The following GRIA1 variants were observed in gnomAD, a reference collection of about 807,000 sequenced individuals.
GRIA1 encodes the protein glutamate receptor 1.
In GRIA1, 31 loss-of-function variants were observed where a neutral mutation model predicts 99.2. That is an observed-to-expected ratio of 0.31 (90% CI 0.23 to 0.42). The LOEUF is 0.42. Ranked by LOEUF, GRIA1 falls within the 10% of genes least tolerant of loss-of-function variation. GRIA1 has a pLI of 1.00. For missense variants in GRIA1, 782 were observed against 1,157.5 expected, an observed-to-expected ratio of 0.68 and a Z score of 4.71; for synonymous variants, 438 against 432.4, an observed-to-expected ratio of 1.01 and a Z score of -0.16.
chr5:153,500,476 A>G (rs370533983), intron 2 of GRIA1, among the ~76,000 whole-genome samples: 156 of 152,282 alleles, frequency 1.0e-3, no homozygotes, highest in African/African-American at 3.2e-3. Context: ...TGCACTAGAA[A>G]TTGAGAAAAA....
chr5:153,517,313 C>T lies in GRIA1; in HGVS notation c.220+23248C>T, dbSNP rs115530162. Among the ~76,000 whole-genome samples the T allele has an allele frequency of 9.3e-3, 1,411 of 152,316 alleles. 16 individuals carry two copies. Among genetic ancestry groups the T allele is most frequent in the African/African-American group, 0.032 (1,321 of 41,564 alleles). ...GCTTTATTTTTTCATCCACCGCCTG[C>T]TGACTGGTCCCTCTCTTAATACCCC... On this transcript the variant is annotated intron_variant, in intron 2 of 15. Transcript: ENST00000285900.
chr5:153,511,326 G>A (rs1022317685), intron 2 of GRIA1, among the ~76,000 whole-genome samples: 5 of 152,194 alleles, frequency 3.3e-5, no homozygotes, highest in African/African-American at 4.8e-5. Context: ...GGCAGTGCAG[G>A]TGCAGGTGCA....
At chr5:153,501,341 A>G (rs1040345809) in intron 2 of GRIA1, among the ~76,000 whole-genome samples, 2 of 152,192 alleles carry the variant, frequency 1.3e-5, no homozygotes, top group African/African-American at 4.8e-5. Context: ...AATCTGAAAG[A>G]AAGGGCCATG....
chr5:153,500,594 CT>C (rs1377603873), intron 2 of GRIA1, among the ~76,000 whole-genome samples: 59 of 147,932 alleles, frequency 4.0e-4, no homozygotes, highest in Middle Eastern at 3.4e-3. Flanking sequence ...CTCTCTCTCT[CT>C]CTCCCCCTCT....
intron 2 of GRIA1, among the ~76,000 whole-genome samples, chr5:153,622,681 T>C (rs946596936): frequency 1.3e-5 from 2 of 152,226 alleles, no homozygotes; most frequent in Admixed American, 6.5e-5. Flanking sequence ...ATAATTTTTA[T>C]TGAATATCAT....
At chr5:153,749,428 A>G (rs1762368430) in intron 11 of GRIA1, among the ~76,000 whole-genome samples, 1 of 152,212 alleles carries the variant, frequency 6.6e-6, no homozygotes, top group African/African-American at 2.4e-5. Context: ...TACAAGAAGC[A>G]TGGTGCCAGC....
At chr5:153,642,644 A>C (rs1005819407) in intron 2 of GRIA1, among the ~76,000 whole-genome samples, 1 of 151,930 alleles carries the variant, frequency 6.6e-6, no homozygotes, top group African/African-American at 2.4e-5. Flanking sequence ...TCAGAAAAAA[A>C]AAAAAAACAA....
intron 2 of GRIA1, among the ~76,000 whole-genome samples, chr5:153,579,670 T>C (rs1762874039): frequency 6.6e-6 from 1 of 152,220 alleles, no homozygotes; most frequent in Non-Finnish European, 1.5e-5. Context: ...GTTTTTCTCA[T>C]CTATTGTTTT....
At chr5:153,725,918 C>A (rs1412505467) in intron 11 of GRIA1, among the ~76,000 whole-genome samples, 1 of 130,920 alleles carries the variant, frequency 7.6e-6, no homozygotes, top group Non-Finnish European at 1.6e-5. Context: ...ACCCTCCACC[C>A]CATATCAACA....
At chr5:153,745,230 T>A (rs957786097) in intron 11 of GRIA1, among the ~76,000 whole-genome samples, 51 of 152,168 alleles carry the variant, frequency 3.4e-4, no homozygotes, top group Non-Finnish European at 5.3e-4. Context: ...CACTGTCATG[T>A]TTATGTTCGT....
intron 2 of GRIA1, among the ~76,000 whole-genome samples, chr5:153,532,381 C>T (rs1053767918): frequency 1.3e-5 from 2 of 152,184 alleles, no homozygotes; most frequent in African/African-American, 4.8e-5. Context: ...CACACTCACT[C>T]CTTGTTGTGA....
chr5:153,609,695 C>T (rs1016616287), intron 2 of GRIA1, among the ~76,000 whole-genome samples: 12 of 151,070 alleles, frequency 7.9e-5, no homozygotes, highest in Admixed American at 7.3e-4. Flanking sequence ...TTCCGAGTAG[C>T]TGGGATTACA....
chr5:153,570,177 A>G (rs1018827345), intron 2 of GRIA1, among the ~76,000 whole-genome samples: 2 of 152,316 alleles, frequency 1.3e-5, no homozygotes, highest in East Asian at 1.9e-4. Flanking sequence ...CGAGAGCAAT[A>G]TTCTCTATCC....
chr5:153,568,568 C>A (rs910720089), intron 2 of GRIA1, among the ~76,000 whole-genome samples: 4 of 152,066 alleles, frequency 2.6e-5, no homozygotes, highest in Admixed American at 2.6e-4. Context: ...ATTATAACAT[C>A]TTTTTTATTC....
intron 5 of GRIA1, among the ~76,000 whole-genome samples, chr5:153,660,854 A>T (rs565410618): frequency 4.6e-5 from 7 of 152,258 alleles, no homozygotes; most frequent in Admixed American, 4.6e-4. Flanking sequence ...AACTACATTG[A>T]TGGAATTTTA....
intron 11 of GRIA1, among the ~76,000 whole-genome samples, chr5:153,741,904 A>G (rs991844779): frequency 6.6e-6 from 1 of 150,780 alleles, no homozygotes; most frequent in Non-Finnish European, 1.5e-5. Context: ...CATGTTAAGC[A>G]TTCTTAACGT....
Position 153,812,887 on chromosome 5 carries a change from A to G in GRIA1, c.*1662A>G, listed in dbSNP as rs1428863274. 2.0e-5 allele frequency: 3 copies of G among 152,088 alleles called. No homozygotes were observed. The highest frequency in any genetic ancestry group is 4.4e-5 in the Non-Finnish European group (3 of 68,022). The allele number at this position is 152,088 out of a possible 1,614,324, so 9.4% of individuals were successfully genotyped here. ...CATGTGTCATTAGCTTTTACTGATAACCATATTCTGGCTTGTTCCCTTACC... is the reference window on the plus strand; with the variant it reads ...CATGTGTCATTAGCTTTTACTGATAGCCATATTCTGGCTTGTTCCCTTACC... On this transcript the variant is annotated 3_prime_UTR_variant, in exon 16 of 16. Coordinates refer to ENST00000285900, the MANE Select transcript of GRIA1 (RefSeq NM_000827.4).
intron 2 of GRIA1, among the ~76,000 whole-genome samples, chr5:153,626,023 C>T (rs542577071): frequency 1.3e-5 from 2 of 152,218 alleles, no homozygotes; most frequent in Admixed American, 6.5e-5. Flanking sequence ...ACAAGGCCAC[C>T]GAACCTGGAG....
At chr5:153,699,809 T>C (rs1040733948) in intron 10 of GRIA1, among the ~76,000 whole-genome samples, 1 of 152,154 alleles carries the variant, frequency 6.6e-6, no homozygotes, top group Non-Finnish European at 1.5e-5. Flanking sequence ...CTATAAAATC[T>C]TCAATAAATT....
Sources: allele counts gnomAD v4.1 joint callset (sites outside exome capture counted in the v4.1 genomes callset), GRCh38; gene constraint gnomAD v4.1.1; transcripts MANE v1.5; gene names NCBI Gene and HGNC (gene_info 2026-07-23, HGNC 2026-07-21).